Variants in NELL1 observed in about 807,000 individuals in gnomAD.
NELL1 encodes the protein protein kinase C-binding protein NELL1.
In NELL1, 76 loss-of-function variants were observed where a neutral mutation model predicts 107.4. That is an observed-to-expected ratio of 0.71 (90% CI 0.59 to 0.86). NELL1 has a LOEUF of 0.86. Among genes scored for constraint, NELL1 ranks in the 40% least tolerant of loss-of-function variants. The probability of loss-of-function intolerance (pLI) is 0.00; values close to 1 mark genes in which losing one functional copy is unlikely to be tolerated. For synonymous variants in NELL1, 353 were observed against 341.2 expected (o/e 1.03, Z -0.38); for missense variants, 1,024 against 1,005.5 (o/e 1.02, Z -0.25).
chr11:20,885,268 A>G (rs1281237631), intron 4 of NELL1, among the ~76,000 whole-genome samples, 176 bp from the exon 5 acceptor site: 1 of 152,216 alleles, frequency 6.6e-6, no homozygotes, highest in South Asian at 2.1e-4. Context: ...GGAGGGGCCC[A>G]GATGATGTGT....
At chr11:21,086,100 G>A (rs1426860221) in intron 12 of NELL1, among the ~76,000 whole-genome samples, 5 of 152,332 alleles carry the variant, frequency 3.3e-5, no homozygotes, top group Admixed American at 3.3e-4. Context: ...AGGAAACTCT[G>A]TAAATTCCAC....
chr11:20,684,749 A>G (rs762720595), intron 2 of NELL1, among the ~76,000 whole-genome samples: 6 of 151,968 alleles, frequency 3.9e-5, no homozygotes, highest in Admixed American at 6.6e-5. Flanking sequence ...TTTAGATCCT[A>G]CTTTAAAGGT....
intron 15 of NELL1, among the ~76,000 whole-genome samples, chr11:21,398,261 T>C (rs1279851470): frequency 6.6e-6 from 1 of 151,700 alleles, no homozygotes; most frequent in Non-Finnish European, 1.5e-5. Flanking sequence ...GTTCCAAGCA[T>C]CATTCTCTGA....
chr11:21,573,245 AT>A lies in NELL1; in HGVS notation c.2219del (p.Ile740ThrfsTer2). Reference protein sequence around the residue: ...CPNLSCEYTAILEGECCPRCV... With the variant: ...CPNLSCEYTAXLEGECCPRCV... ...CAACTTGAGCTGTGAGTATACAGCT[AT>A]CTTAGAAGGGGAATGTTGTCCCCGC... On this transcript the variant is annotated frameshift_variant, in exon 19 of 20. Transcript: ENST00000357134. LOFTEE classifies it high-confidence loss of function. 6.2e-7 allele frequency: 1 copy of A among 1,612,422 alleles called. No individual in the cohort carries two copies. Among genetic ancestry groups the A allele is most frequent in the Non-Finnish European group, 8.5e-7 (1 of 1,179,008 alleles).
rs182718947 is a variant in NELL1, at chr11:20,829,454, C to T, written c.336-18129C>T. Among the ~76,000 whole-genome samples, 16 of 152,110 alleles carry T rather than the reference C, an allele frequency of 1.1e-4. 1 individual carries two copies. The East Asian group carries it at 3.1e-3, about 30-fold the overall frequency. ...TCTTGGCCAGGCTGGTCTCCAATGC[C>T]TGACCTCATGATCCACCTGCCTCGG... On this transcript the variant is annotated intron_variant, in intron 3 of 19. Coordinates refer to ENST00000357134, the MANE Select transcript of NELL1 (RefSeq NM_006157.5).
intron 15 of NELL1, among the ~76,000 whole-genome samples, chr11:21,468,088 A>C (rs1854076654): frequency 6.6e-6 from 1 of 152,120 alleles, no homozygotes; most frequent in Non-Finnish European, 1.5e-5. Context: ...TAAAATATTA[A>C]GGATTACTAA....
At chr11:21,107,187 C>T (rs1303703829) in intron 12 of NELL1, among the ~76,000 whole-genome samples, 6 of 152,134 alleles carry the variant, frequency 3.9e-5, no homozygotes, top group South Asian at 4.2e-4. Flanking sequence ...AGGGTTCACT[C>T]GTGGTGTTGT....
intron 14 of NELL1, among the ~76,000 whole-genome samples, chr11:21,250,842 G>A (rs897527563): frequency 3.9e-5 from 6 of 152,130 alleles, no homozygotes; most frequent in Admixed American, 2.6e-4. Context: ...CACTGCTAAA[G>A]GTGGCCAGGC....
chr11:20,864,675 C>G (rs574766239), intron 4 of NELL1, among the ~76,000 whole-genome samples: 2 of 152,302 alleles, frequency 1.3e-5, no homozygotes, highest in Admixed American at 1.3e-4. Context: ...TCTCAAAGGC[C>G]CTTTCAACAC....
chr11:21,135,988 T>C (rs1444957266), intron 13 of NELL1, among the ~76,000 whole-genome samples: 5 of 152,190 alleles, frequency 3.3e-5, no homozygotes, highest in African/African-American at 1.2e-4. Flanking sequence ...CATGGGGAAA[T>C]AGCTATTTAA....
intron 12 of NELL1, among the ~76,000 whole-genome samples, chr11:21,031,492 G>A (rs1364372194): frequency 6.6e-6 from 1 of 152,208 alleles, no homozygotes. Flanking sequence ...ATACTTCTTA[G>A]TTGTGTGATA....
At chr11:21,182,889 T>C (rs1250939631) in intron 13 of NELL1, among the ~76,000 whole-genome samples, 1 of 151,580 alleles carries the variant, frequency 6.6e-6, no homozygotes, top group African/African-American at 2.4e-5. Context: ...GGAAAGAAAA[T>C]TGTTGCTGTT....
chr11:20,838,028 G>C (rs1848564481), intron 3 of NELL1, among the ~76,000 whole-genome samples: 1 of 151,864 alleles, frequency 6.6e-6, no homozygotes, highest in Non-Finnish European at 1.5e-5. Flanking sequence ...TTTTATAACA[G>C]AGAAAACTGA....
intron 13 of NELL1, among the ~76,000 whole-genome samples, chr11:21,210,155 T>A (rs1451674234): frequency 6.6e-6 from 1 of 152,168 alleles, no homozygotes; most frequent in East Asian, 1.9e-4. Flanking sequence ...ATTTAGGTTG[T>A]TTTAATCTTT....
intron 13 of NELL1, among the ~76,000 whole-genome samples, chr11:21,177,443 T>A (rs1856736482): frequency 6.6e-6 from 1 of 151,880 alleles, no homozygotes. Flanking sequence ...ACAACATTTC[T>A]TACTTGTTTA....
chr11:20,973,960 G>A (rs111896512), intron 12 of NELL1, among the ~76,000 whole-genome samples: 2 of 152,318 alleles, frequency 1.3e-5, no homozygotes, highest in South Asian at 4.1e-4. Flanking sequence ...TATAGTTCAC[G>A]TGTTGATGCT....
chr11:20,834,914 C>T (rs1848504355), intron 3 of NELL1, among the ~76,000 whole-genome samples: 1 of 152,144 alleles, frequency 6.6e-6, no homozygotes, highest in Admixed American at 6.6e-5. Context: ...GGTTTGAGAA[C>T]TGCTAGGCTG....
At chr11:21,444,311 T>G (rs2133849986) in intron 15 of NELL1, among the ~76,000 whole-genome samples, 1 of 152,246 alleles carries the variant, frequency 6.6e-6, no homozygotes, top group South Asian at 2.1e-4. Context: ...GAAATACATA[T>G]ATTTCATCTT....
chr11:21,385,840 T>A (rs1467691866), intron 15 of NELL1, among the ~76,000 whole-genome samples: 2 of 151,854 alleles, frequency 1.3e-5, no homozygotes, highest in Non-Finnish European at 2.9e-5. Flanking sequence ...ATTGTCAGAT[T>A]TTATCAAAGC....
Sources: allele counts gnomAD v4.1 joint callset (sites outside exome capture counted in the v4.1 genomes callset), GRCh38; gene constraint gnomAD v4.1.1; transcripts MANE v1.5; gene names NCBI Gene and HGNC (gene_info 2026-07-23, HGNC 2026-07-21).